EMC3: variants seen among roughly 807,000 people sequenced by gnomAD.
EMC3 encodes the protein 30 kDa protein.
Under a neutral mutation model 36.6 loss-of-function variants are expected in EMC3, and 13 were observed. That is an observed-to-expected ratio of 0.35 (90% CI 0.23 to 0.56). EMC3 has a LOEUF of 0.56. Ranked by LOEUF, EMC3 falls within the 20% of genes least tolerant of loss-of-function variation. The pLI, the probability that EMC3 is intolerant of heterozygous loss-of-function variation, is 0.84. For synonymous variants in EMC3, 120 were observed against 111.9 expected (o/e 1.07, Z -0.46); for missense variants, 220 against 324.5 (o/e 0.68, Z 2.47).
chr3:9,967,931 C>CT (rs774092576), intron 7 of EMC3, among the ~76,000 whole-genome samples: 65 of 151,652 alleles, frequency 4.3e-4, no homozygotes, highest in Non-Finnish European at 7.4e-4. Context: ...AAGGCCATTT[C>CT]TTTTTTTTTG....
Position 9,983,200 on chromosome 3 carries a change from T to C in EMC3, c.155+3307A>G, listed in dbSNP as rs78252194. On this transcript the variant is annotated intron_variant, in intron 1 of 7. Coordinates refer to ENST00000245046, the MANE Select transcript of EMC3 (RefSeq NM_001394674.1). The stretch of plus-strand genomic sequence containing the variant: ...CCTCCTTCTGTGGCCCAGGCTGAAG[T>C]GCAGTGCAGCCATCTCGGCTCTCTG... Among the ~76,000 whole-genome samples the C allele has an allele frequency of 2.3e-3, 345 of 151,930 alleles. 11 individuals are homozygous for C. In the East Asian group the frequency reaches 0.064, roughly 28 times the overall value.
In EMC3 at chr3:9,977,441, A is replaced by C; in HGVS notation, c.161T>G (p.Val54Gly). ...CCTGAGGACTCTGCTTCGAATTAGG[A>C]CTTGACTGAAAAATACAACCAACAC... ...LTQEQVSDSQ[V>G]LIRSRVLREN... The change falls in exon 2 of 8, where the codon GTC (valine) becomes GGC (glycine). Residue 54 changes from valine to glycine, a missense_variant. This residue lies in a region of EMC3 where 127 missense variants were observed against 174.6 expected (regional missense o/e 0.73). Coordinates refer to ENST00000245046, the MANE Select transcript of EMC3 (RefSeq NM_001394674.1). The C allele has an allele frequency of 6.2e-7, 1 of 1,611,942 alleles. No individual in the cohort carries two copies. The highest frequency in any genetic ancestry group is 8.5e-7 in the Non-Finnish European group (1 of 1,179,458).
In EMC3 at chr3:9,964,165, G is replaced by A. The variant is rs1393751356; in HGVS notation, c.690C>T (p.His230=). The change falls in exon 8 of 8, where the codon CAC becomes CAT. Residue 230 remains histidine, a synonymous_variant. Transcript: ENST00000245046. ...TEWEALELTD[H]QWALDDVEEE... ...CTTCGACATCATCTAGTGCCCACTGGTGATCCGTCAGCTCCAAAGCTTCCC... is the reference window on the plus strand; with the variant it reads ...CTTCGACATCATCTAGTGCCCACTGATGATCCGTCAGCTCCAAAGCTTCCC... 1.2e-6 allele frequency: 2 copies of A among 1,614,056 alleles called. No homozygotes were observed. The highest frequency in any genetic ancestry group is 1.7e-5 in the Admixed American group (1 of 59,992).
At chr3:9,978,284 G>C (rs1649528296) in intron 1 of EMC3, 1 of 151,292 alleles carries the variant, frequency 6.6e-6, no homozygotes, top group Non-Finnish European at 1.5e-5. Context: ...GCAATGAGCT[G>C]AGATGGCGCC....
chr3:10,002,605 C>T (rs948637543), intron 1 of EMC3: 8 of 364,620 alleles, frequency 2.2e-5, no homozygotes, highest in South Asian at 1.5e-4. Context: ...TGCTTAAATA[C>T]ATAAAGACCC....
chr3:9,984,198 C>T (rs1194876016), intron 1 of EMC3, among the ~76,000 whole-genome samples: 1 of 152,104 alleles, frequency 6.6e-6, no homozygotes, highest in Non-Finnish European at 1.5e-5. Context: ...TCTCCTGCCT[C>T]AGCCTCCCGA....
At position 9,986,500 on chromosome 3, in the gene EMC3, C is replaced by A; in HGVS notation, c.155+7G>T. 1 of 1,613,540 alleles carries A rather than the reference C, an allele frequency of 6.2e-7. No homozygotes were observed. Among genetic ancestry groups the A allele is most frequent in the South Asian group, 1.1e-5 (1 of 91,048 alleles). ...GTGAGGTAGGCTGGAGAAGGGAGGG[C>A]GCTGACCTGTCAGATACTTGTTCCT... On this transcript the variant is annotated splice_region_variant and intron_variant, in intron 1 of 7. Transcript: ENST00000245046.
chr3:9,965,353 C>T (rs575937114), intron 7 of EMC3, among the ~76,000 whole-genome samples: 43 of 151,860 alleles, frequency 2.8e-4, no homozygotes, highest in African/African-American at 5.3e-4. Flanking sequence ...TCCAGGAGTT[C>T]GAGGCTGCAG....
intron 3 of EMC3, among the ~76,000 whole-genome samples, chr3:9,974,988 G>A (rs1575677683): frequency 6.7e-6 from 1 of 148,540 alleles, no homozygotes; most frequent in Admixed American, 6.8e-5. Flanking sequence ...AGCCTCCTAA[G>A]TAGCTGGGAT....
upstream of EMC3, among the ~76,000 whole-genome samples, chr3:9,989,227 TATTA>T (rs2086015949): frequency 6.6e-6 from 1 of 152,346 alleles, no homozygotes; most frequent in East Asian, 1.9e-4. Context: ...CTTATGTCTC[TATTA>T]ATTCTAGAAA....
chr3:9,963,477 A>ATATATATATATATATT lies in EMC3; in HGVS notation c.*591_*592insAATATATATATATATA, dbSNP rs61596273. Reference sequence around the variant, plus strand: ...TAGATATATATATATATATATATATATTTTTTTTTTTTTTTCAGATGGAGT... The same window carrying ATATATATATATATATT: ...TAGATATATATATATATATATATATATATATATATATATATTTTTTTTTTTTTTTTTCAGATGGAGT... On this transcript the variant is annotated 3_prime_UTR_variant, in exon 8 of 8. Transcript: ENST00000245046. The ATATATATATATATATT allele has an allele frequency of 1.6e-4, 14 of 88,898 alleles. No homozygotes were observed. The highest frequency in any genetic ancestry group is 2.5e-4 in the Admixed American group (2 of 7,872). 5.5% of individuals were successfully genotyped at this position (88,898 alleles called of 1,614,324 possible). A position where few individuals can be genotyped will look rare whatever the true frequency, so the allele number is the denominator to read the frequency against.
chr3:9,974,743 A>G (rs992871063), intron 3 of EMC3, among the ~76,000 whole-genome samples: 4 of 151,818 alleles, frequency 2.6e-5, no homozygotes, highest in African/African-American at 9.7e-5. Context: ...TATTTTTAGT[A>G]GAGACGGGGT....
chr3:10,007,944 C>G (rs2086281967), intron 1 of EMC3, among the ~76,000 whole-genome samples: 1 of 152,182 alleles, frequency 6.6e-6, no homozygotes, highest in African/African-American at 2.4e-5. Flanking sequence ...GACCAGGAAG[C>G]AAGAAGCAGG....
rs1242083365 is a variant in EMC3 at position 9,995,748 on chromosome 3, C to T, written c.-241-8846G>A. On this transcript the variant is annotated intron_variant, in intron 1 of 8. Transcript: ENST00000470827. ...TGCCTCCCGGGTTCTAGCGATTCTC[C>T]TGCCTCACCCTTCCAAGTACCTGGG... is the stretch of plus-strand genomic sequence containing the variant. Among the ~76,000 whole-genome samples, 8 of 151,826 alleles carry T rather than the reference C, an allele frequency of 5.3e-5. No homozygotes were observed. In the South Asian group the frequency reaches 1.2e-3, roughly 24 times the overall value.
chr3:9,991,085 C>T (rs375637779), upstream of EMC3, among the ~76,000 whole-genome samples: 11 of 152,240 alleles, frequency 7.2e-5, 1 homozygote, highest in East Asian at 9.6e-4. Context: ...GCCTTGGCCT[C>T]CCAAAGTGCT....
At chr3:10,002,151 G>C (rs2086208995) in intron 1 of EMC3, among the ~76,000 whole-genome samples, 2 of 152,102 alleles carry the variant, frequency 1.3e-5, no homozygotes. Context: ...GTGGGACTTT[G>C]ATAAGGATTG....
chr3:9,972,661 T>G (rs1462150803), intron 5 of EMC3, among the ~76,000 whole-genome samples: 2 of 151,014 alleles, frequency 1.3e-5, no homozygotes, highest in Non-Finnish European at 2.9e-5. Context: ...ATCCAAGTAC[T>G]CGGGAGGCTG....
chr3:9,976,621 G>A lies in EMC3; in HGVS notation c.307+336C>T, dbSNP rs1340019768. ...GGATCCAGGCACTGGGTGACAGCCA[G>A]GCTGGAATGCTTTACCAACTGTGCT... On this transcript the variant is annotated intron_variant, in intron 3 of 7. Coordinates refer to ENST00000245046, the MANE Select transcript of EMC3 (RefSeq NM_001394674.1). Among the ~76,000 whole-genome samples, 5 of 152,340 alleles carry A rather than the reference G, an allele frequency of 3.3e-5. No homozygotes were observed. The East Asian group carries it at 9.6e-4, about 29-fold the overall frequency.
chr3:10,000,270 A>T (rs904392650), intron 1 of EMC3, among the ~76,000 whole-genome samples: 5 of 151,976 alleles, frequency 3.3e-5, no homozygotes, highest in African/African-American at 1.2e-4. Flanking sequence ...GAACTCCTGA[A>T]CTCAAGTGAA....
Sources: allele counts gnomAD v4.1 joint callset (sites outside exome capture counted in the v4.1 genomes callset), GRCh38; gene constraint gnomAD v4.1.1; regional missense constraint gnomAD v4.1.1; transcripts MANE v1.5; gene names NCBI Gene and HGNC (gene_info 2026-07-23, HGNC 2026-07-21).